Variants in ARSG observed in about 807,000 individuals in gnomAD.
ARSG encodes arylsulfatase G.
ARSG carries 37 observed loss-of-function variants against 50.5 expected under a neutral mutation model. The observed-to-expected ratio is 0.73, with a 90% CI of 0.56 to 0.96. The LOEUF (loss-of-function observed/expected upper bound fraction) is 0.96, where lower values mean the gene tolerates loss of function less well. ARSG is among the 50% of genes least tolerant of loss of function. The pLI is 0.00. For synonymous variants in ARSG, 225 were observed against 254.6 expected, an observed-to-expected ratio of 0.88 and a Z score of 1.11; for missense variants, 629 against 675.3, an observed-to-expected ratio of 0.93 and a Z score of 0.76.
chr17:68,325,250 C>T (rs1599727299), intron 2 of ARSG, among the ~76,000 whole-genome samples: 1 of 152,068 alleles, frequency 6.6e-6, no homozygotes, highest in East Asian at 1.9e-4. Flanking sequence ...TTGTGAACTG[C>T]CCATGTGAGG....
chr17:68,350,850 T>C (rs2078728978), intron 4 of ARSG, among the ~76,000 whole-genome samples: 1 of 151,980 alleles, frequency 6.6e-6, no homozygotes, highest in Non-Finnish European at 1.5e-5. Flanking sequence ...GGAGAAGAGA[T>C]AGAAGGAAGG....
chr17:68,260,788 C>T (rs1176666573), intron 1 of ARSG, among the ~76,000 whole-genome samples: 1 of 152,012 alleles, frequency 6.6e-6, no homozygotes, highest in Non-Finnish European at 1.5e-5. Flanking sequence ...CCACCATGGC[C>T]GGCCAAGAGT....
At chr17:68,431,683 A>G in the ARSG span, among the ~76,000 whole-genome samples, 11 of 11,906 alleles carry the variant, frequency 9.2e-4, no homozygotes, top group South Asian at 0.026. Flanking sequence ...GGTGCTAAAG[A>G]CACGTTCAAG....
Position 68,283,118 on chromosome 17 carries a change from C to A in ARSG, c.-552+23692C>A, listed in dbSNP as rs1008401152. ...CTCTTGCCTGAATGACAGAGCAAGA[C>A]CCTGTCTAAAAAAAATTTTTTTTTA... On this transcript the variant is annotated intron_variant, in intron 1 of 11. Transcript: ENST00000448504. The A allele has an allele frequency of 2.0e-5, 3 of 151,892 alleles. No homozygotes were observed. In the South Asian group the frequency reaches 6.2e-4, roughly 31 times the overall value. The allele number at this position is 151,892 out of a possible 1,614,324, so 9.4% of individuals were successfully genotyped here. A position where few individuals can be genotyped will look rare whatever the true frequency, so the allele number is the denominator to read the frequency against.
chr17:68,261,028 A>G (rs1555745093), intron 1 of ARSG, among the ~76,000 whole-genome samples: 1 of 152,140 alleles, frequency 6.6e-6, no homozygotes. Context: ...ATAGTACACT[A>G]CTGCTGGGCA....
chr17:68,385,076 C>G lies in ARSG; in HGVS notation c.995C>G (p.Ala332Gly), dbSNP rs559442588. Reference protein sequence around the residue: ...FWQTRQGGSPAKQTTWEGGHR... With the variant: ...FWQTRQGGSPGKQTTWEGGHR... ...CCTCCTCTCACAGGGGGAAGTCCAG[C>G]CAAGCAGACGACCTGGGAAGGAGGG... is the stretch of plus-strand genomic sequence containing the variant. Residue 332 changes from alanine to glycine, a missense_variant, in exon 9 of 12, where the codon GCC (alanine) becomes GGC (glycine). Physicochemically the swap from Ala to Gly is moderately conservative, Grantham distance 60. Transcript: ENST00000621439. The G allele has an allele frequency of 3.5e-5, 56 of 1,613,986 alleles. 2 individuals carry two copies. In the South Asian group the frequency reaches 5.7e-4, roughly 16 times the overall value.
chr17:68,341,030 C>T (rs747226110), intron 2 of ARSG, among the ~76,000 whole-genome samples: 36 of 152,168 alleles, frequency 2.4e-4, no homozygotes, highest in Non-Finnish European at 4.4e-4. Context: ...TACCATATCA[C>T]ATAAAATCGT....
chr17:68,436,980 T>G, the ARSG span, among the ~76,000 whole-genome samples: 3 of 132,130 alleles, frequency 2.3e-5, no homozygotes, highest in Non-Finnish European at 3.2e-5. Flanking sequence ...GGCTACAGAG[T>G]GAGACCCCGT....
chr17:68,336,040 A>G (rs1410792823), intron 2 of ARSG, among the ~76,000 whole-genome samples: 1 of 152,070 alleles, frequency 6.6e-6, no homozygotes, highest in Non-Finnish European at 1.5e-5. Flanking sequence ...CTGGGACTAC[A>G]GACACCCACC....
chr17:68,390,844 C>G (rs2147094773), intron 9 of ARSG, among the ~76,000 whole-genome samples: 1 of 151,652 alleles, frequency 6.6e-6, no homozygotes, highest in African/African-American at 2.4e-5. Flanking sequence ...CCGGGCTGGT[C>G]TGGAACTCCT....
At chr17:68,315,693 C>T (rs1006433809) in intron 2 of ARSG, among the ~76,000 whole-genome samples, 1 of 151,978 alleles carries the variant, frequency 6.6e-6, no homozygotes, top group South Asian at 2.1e-4. Context: ...AGTGCAGTGG[C>T]GCGATCTTGG....
chr17:68,346,756 C>T, intron 3 of ARSG: 1 of 1,292,248 alleles, frequency 7.7e-7, no homozygotes, highest in Non-Finnish European at 1.0e-6. Flanking sequence ...CACCCTGGGC[C>T]TCCTGGTGCC....
intron 10 of ARSG, among the ~76,000 whole-genome samples, chr17:68,395,512 C>T (rs897182434): frequency 1.3e-5 from 2 of 152,150 alleles, no homozygotes; most frequent in African/African-American, 2.4e-5. Context: ...CGCTTGAACC[C>T]GGGAGGCAGA....
chr17:68,342,818 G>A (rs763319707), intron 2 of ARSG, among the ~76,000 whole-genome samples: 3 of 152,162 alleles, frequency 2.0e-5, no homozygotes, highest in Non-Finnish European at 2.9e-5. Flanking sequence ...TACACTGTGA[G>A]GACATTTGTT....
rs570635853 is a variant in ARSG, at chr17:68,354,840, G to C, written c.567-1827G>C. ...GATTGTGCCACTGCACTTCAGCCTG[G>C]GCGACAGAGTGAGACCCTGTGTCAA... is the stretch of plus-strand genomic sequence containing the variant. On this transcript the variant is annotated intron_variant, in intron 5 of 11. Coordinates refer to ENST00000621439, the MANE Select transcript of ARSG (RefSeq NM_001267727.2). Among the ~76,000 whole-genome samples the C allele has an allele frequency of 7.6e-4, 116 of 152,266 alleles. 1 individual carries two copies. Among genetic ancestry groups the C allele is most frequent in the African/African-American group, 2.7e-3 (112 of 41,572 alleles).
chr17:68,329,690 G>C (rs965096309), intron 2 of ARSG, among the ~76,000 whole-genome samples: 14 of 152,168 alleles, frequency 9.2e-5, no homozygotes, highest in Non-Finnish European at 1.9e-4. Flanking sequence ...CCCATGAAAG[G>C]GTTTCCAGCC....
downstream of ARSG, chr17:68,420,881 T>G (rs2082726586): frequency 5.4e-6 from 1 of 184,566 alleles, no homozygotes; most frequent in Non-Finnish European, 1.1e-5. Context: ...GTTTCTCTGG[T>G]CATTTTGGTG....
chr17:68,345,229 T>C (rs916461014), intron 3 of ARSG, among the ~76,000 whole-genome samples: 1 of 152,140 alleles, frequency 6.6e-6, no homozygotes, highest in African/African-American at 2.4e-5. Context: ...CCCAGCACTA[T>C]GGAAGGCCGA....
intron 1 of ARSG, among the ~76,000 whole-genome samples, chr17:68,275,437 C>T (rs1271715501): frequency 2.0e-5 from 3 of 152,134 alleles, no homozygotes; most frequent in Admixed American, 2.0e-4. Flanking sequence ...AAACCACTCT[C>T]ATCATTTTGA....
Sources: gnomAD v4.1 joint callset for allele counts (sites outside exome capture counted in the v4.1 genomes callset) on GRCh38, gnomAD v4.1.1 for gene constraint, MANE v1.5 for transcripts, NCBI Gene and HGNC (gene_info 2026-07-23, HGNC 2026-07-21) for gene names.